LDB1: variants seen among roughly 807,000 people sequenced by gnomAD.
LDB1 encodes the protein LIM domain binding 1.
Under a neutral mutation model 49.7 loss-of-function variants are expected in LDB1, and 6 were observed. The observed-to-expected ratio is 0.12, with a 90% confidence interval of 0.07 to 0.24. The LOEUF (loss-of-function observed/expected upper bound fraction) is 0.24, where lower values mean the gene tolerates loss of function less well. LDB1 is among the 10% of genes least tolerant of loss of function. The pLI, the probability that LDB1 is intolerant of heterozygous loss-of-function variation, is 1.00. For synonymous variants in LDB1, 233 were observed against 202.0 expected, an observed-to-expected ratio of 1.15 and a Z score of -1.30; for missense variants, 341 against 561.7, an observed-to-expected ratio of 0.61 and a Z score of 3.97.
chr10:102,114,812 G>GGGGGGGCCCC, intron 1 of LDB1: 7 of 929,814 alleles, frequency 7.5e-6, no homozygotes, highest in Non-Finnish European at 9.0e-6. Context: ...CCTCCGAGCA[G>GGGGGGGCCCC]CCCGCCCGCC....
At chr10:102,119,747 G>C (rs1373839072) in intron 1 of LDB1, among the ~76,000 whole-genome samples, 3 of 139,324 alleles carry the variant, frequency 2.2e-5, no homozygotes, top group Non-Finnish European at 4.7e-5. Context: ...GGTGACCTGA[G>C]GGGGGGGGTC....
chr10:102,111,070 T>A lies in LDB1; in HGVS notation c.248A>T (p.Glu83Val). Reference protein sequence around the residue: ...ELNKRLQNWTEECDNLWWDAF... With the variant: ...ELNKRLQNWTVECDNLWWDAF... ...CAGCCCCTTTTCCCTTGGCCATACC[T>A]CTGTCCAGTTCTGAAGCCGTTTGTT... Residue 83 changes from glutamate to valine, a missense_variant and splice_region_variant, in exon 4 of 11, where the codon GAG (glutamate) becomes GTG (valine). Physicochemically the swap from Glu to Val is moderately radical, Grantham distance 121. Around this residue, in one of 5 missense-constraint regions of LDB1, gnomAD observed 233 missense variants for 385.7 expected, o/e 0.60. Transcript: ENST00000673968. 1 of 1,614,116 alleles carries A rather than the reference T, an allele frequency of 6.2e-7. No individual in the cohort carries two copies. The highest frequency in any genetic ancestry group is 1.1e-5 in the South Asian group (1 of 91,086).
Position 102,108,162 on chromosome 10 carries a change from G to T in LDB1, c.1167C>A (p.Pro389=). The T allele has an allele frequency of 6.2e-7, 1 of 1,614,144 alleles. No individual in the cohort carries two copies. ...NNSPALGANS[P]WNSKPPSSQE... ...GGCTGGACGGAGGCTTGCTGTTCCA[G>T]GGGCTGTTGGCGCCCAGTGCAGGGG... The change falls in exon 11 of 11, where the codon CCC becomes CCA. Residue 389 remains proline, a synonymous_variant. Transcript: ENST00000673968.
Position 102,120,266 on chromosome 10 carries a change from C to A in LDB1, c.-156G>T. ...GCCCGGTGCGGGCGGCCCCTGGCTG[C>A]GGCGAGGGGCCTGTCAGGCGCGGAG... On this transcript the variant is annotated 5_prime_UTR_variant, in exon 1 of 11. Coordinates refer to ENST00000673968, the MANE Select transcript of LDB1 (RefSeq NM_001113407.3). The A allele has an allele frequency of 2.0e-6, 2 of 983,334 alleles. No homozygotes were observed. The highest frequency in any genetic ancestry group is 2.4e-6 in the Non-Finnish European group (2 of 829,376). The allele number at this position is 983,334 out of a possible 1,614,324, so 60.9% of individuals were successfully genotyped here. A position where few individuals can be genotyped will look rare whatever the true frequency, so the allele number is the denominator to read the frequency against.
chr10:102,114,956 C>T, intron 1 of LDB1: 1 of 512,688 alleles, frequency 2.0e-6, no homozygotes, highest in Non-Finnish European at 2.5e-6. Context: ...CTTTCTCTCC[C>T]TGCCTCCCTC....
intron 1 of LDB1, among the ~76,000 whole-genome samples, chr10:102,118,679 T>C (rs2068363001): frequency 6.6e-6 from 1 of 152,232 alleles, no homozygotes; most frequent in Non-Finnish European, 1.5e-5. Flanking sequence ...ACTGCTCTGC[T>C]CATGTGTGTT....
chr10:102,119,612 G>A (rs552544240), intron 1 of LDB1, among the ~76,000 whole-genome samples: 2 of 151,978 alleles, frequency 1.3e-5, no homozygotes, highest in East Asian at 3.9e-4. Flanking sequence ...AAGATGGGCC[G>A]CAATCAATAC....
At chr10:102,114,273 C>T in intron 1 of LDB1, 1 of 929,242 alleles carries the variant, frequency 1.1e-6, no homozygotes, top group Non-Finnish European at 1.3e-6. Context: ...AGGGACTGGC[C>T]ACAGGTCAGC....
rs745338526 is a variant in LDB1, at chr10:102,109,914, G to A, written c.648+7C>T. On this transcript the variant is annotated splice_region_variant and intron_variant, in intron 7 of 10. Coordinates refer to ENST00000673968, the MANE Select transcript of LDB1 (RefSeq NM_001113407.3). This position sits in a 1 kb window ranked among gnomAD's most constrained non-coding sequence, Gnocchi z 5.8. ...CTCTTGCATCCTGGGTCCTGCCCAC[G>A]ACTCACATGCATGGCAAGGATGCTG... 1.1e-5 allele frequency: 18 copies of A among 1,607,082 alleles called. No individual in the cohort carries two copies. In the Admixed American group the frequency reaches 1.2e-4, roughly 10 times the overall value.
chr10:102,104,792 C>T (rs1365644518), downstream of LDB1, among the ~76,000 whole-genome samples: 1 of 152,180 alleles, frequency 6.6e-6, no homozygotes, highest in Non-Finnish European at 1.5e-5. Context: ...CAACCACTGT[C>T]CCAGCAGCCC....
intron 1 of LDB1, among the ~76,000 whole-genome samples, chr10:102,116,654 C>T (rs79632056): frequency 0.02 from 3,046 of 152,216 alleles, 95 homozygotes; most frequent in African/African-American, 0.069. Flanking sequence ...ATACACACCC[C>T]GATCATTTAT....
chr10:102,114,810 C>CT, intron 1 of LDB1: 4 of 963,288 alleles, frequency 4.2e-6, no homozygotes, highest in Non-Finnish European at 4.9e-6. Flanking sequence ...TGCCTCCGAG[C>CT]AGCCCGCCCG....
At chr10:102,120,503 G>T, upstream of LDB1, 1 of 491,836 alleles carries the variant, frequency 2.0e-6, no homozygotes, top group Non-Finnish European at 2.6e-6. Flanking sequence ...AAGCCGGGCA[G>T]GGCCGGGCTT....
intron 1 of LDB1, chr10:102,114,724 A>C: frequency 1.2e-6 from 1 of 815,756 alleles, no homozygotes; most frequent in Non-Finnish European, 1.5e-6. Context: ...GGTTTCCCTC[A>C]ACAATGGCTG....
intron 1 of LDB1, 35 bp downstream of exon 1, chr10:102,120,051 C>T: frequency 2.8e-6 from 4 of 1,419,400 alleles, no homozygotes; most frequent in African/African-American, 1.5e-5. Context: ...GACGGCTGGG[C>T]AGGAAGGGGC....
In LDB1 at chr10:102,109,734, G is replaced by C. The variant is rs1296253983; in HGVS notation, c.649-51C>G. 6.3e-7 allele frequency: 1 copy of C among 1,579,698 alleles called. No individual in the cohort carries two copies. The highest frequency in any genetic ancestry group is 8.7e-7 in the Non-Finnish European group (1 of 1,149,204). On this transcript the variant is annotated intron_variant, in intron 7 of 10. Transcript: ENST00000673968. The surrounding 1 kb of genome is among the most constrained non-coding windows in gnomAD (Gnocchi z 5.8). ...GAACACTGACACCTGGGTTGCCTCT[G>C]CTCACCTGCCCTATCATCTGAGCAT...
Position 102,117,542 on chromosome 10 carries a change from C to T in LDB1, c.25+2544G>A, listed in dbSNP as rs1417803058. Reference sequence around the variant, plus strand: ...TGAGGTACCAGCACTGCCCCCTGCCCGGGCCCCTGGGGCTCCCTGACCCAG... The same window carrying T: ...TGAGGTACCAGCACTGCCCCCTGCCTGGGCCCCTGGGGCTCCCTGACCCAG... On this transcript the variant is annotated intron_variant, in intron 1 of 10. Coordinates refer to ENST00000673968, the MANE Select transcript of LDB1 (RefSeq NM_001113407.3). The surrounding 1 kb of genome is among the most constrained non-coding windows in gnomAD (Gnocchi z 4.2). 5.3e-5 allele frequency among the ~76,000 whole-genome samples: 8 copies of T among 152,136 alleles called. No individual in the cohort carries two copies. Among genetic ancestry groups the T allele is most frequent in the South Asian group, 2.1e-4 (1 of 4,824 alleles).
Position 102,119,042 on chromosome 10 carries a change from C to T in LDB1, c.25+1044G>A, listed in dbSNP as rs573885091. Among the ~76,000 whole-genome samples, 7 of 152,274 alleles carry T rather than the reference C, an allele frequency of 4.6e-5. No individual in the cohort carries two copies. The South Asian group carries it at 1.2e-3, about 27-fold the overall frequency. On this transcript the variant is annotated intron_variant, in intron 1 of 10. Coordinates refer to ENST00000673968, the MANE Select transcript of LDB1 (RefSeq NM_001113407.3). Reference sequence around the variant, plus strand: ...GTCACATGATTTTCAAGGAAGCTTCCGCACTGGCAGCTTCCCTTGGGGATT... The same window carrying T: ...GTCACATGATTTTCAAGGAAGCTTCTGCACTGGCAGCTTCCCTTGGGGATT...
In LDB1 at chr10:102,110,701, G is replaced by T. The variant is rs962843747; in HGVS notation, c.353C>A (p.Thr118Asn). 1 of 1,611,752 alleles carries T rather than the reference G, an allele frequency of 6.2e-7. No individual in the cohort carries two copies. The highest frequency in any genetic ancestry group is 1.1e-5 in the South Asian group (1 of 90,842). The change falls in exon 6 of 11, where the codon ACC (threonine) becomes AAC (asparagine). Residue 118 changes from threonine to asparagine, a missense_variant and splice_region_variant. This residue lies in a region of LDB1 where 233 missense variants were observed against 385.7 expected (regional missense o/e 0.60). Transcript: ENST00000673968. ...GCGTGGGATCAGGGTCCGGCCAATGGCTGTAGAGATGGGACAAACTCTTCA... is the reference window on the plus strand; with the variant it reads ...GCGTGGGATCAGGGTCCGGCCAATGTCTGTAGAGATGGGACAAACTCTTCA... ...FCLEDGPKRY[T>N]IGRTLIPRYF...
Sources: gnomAD v4.1 joint callset for allele counts (sites outside exome capture counted in the v4.1 genomes callset) on GRCh38, gnomAD v4.1.1 for gene constraint, gnomAD v4.1.1 regional missense constraint, Gnocchi (gnomAD v3.1) non-coding constraint, MANE v1.5 for transcripts, NCBI Gene and HGNC (gene_info 2026-07-23, HGNC 2026-07-21) for gene names.